Variants in CNOT9 observed in about 807,000 individuals in gnomAD.
CNOT9 encodes the protein RCD1 required for cell differentiation1 homolog.
CNOT9 carries 8 observed loss-of-function variants against 37.4 expected under a neutral mutation model. The observed-to-expected ratio is 0.21, with a 90% CI of 0.13 to 0.39. The LOEUF (loss-of-function observed/expected upper bound fraction) is 0.39. Among genes scored for constraint, CNOT9 ranks in the 10% least tolerant of loss-of-function variants. The pLI is 1.00. For synonymous variants in CNOT9, 120 were observed against 137.6 expected (o/e 0.87, Z 0.90); for missense variants, 154 against 365.3 (o/e 0.42, Z 4.71).
chr2:218,578,926 G>T (rs893108167), intron 1 of CNOT9, among the ~76,000 whole-genome samples: 5 of 152,174 alleles, frequency 3.3e-5, no homozygotes, highest in South Asian at 2.1e-4. Flanking sequence ...ATGAAAGCAT[G>T]CCCTATTAAG....
intron 4 of CNOT9, among the ~76,000 whole-genome samples, chr2:218,585,641 T>TA (rs1694564712): frequency 2.1e-4 from 8 of 37,686 alleles, no homozygotes; most frequent in Non-Finnish European, 1.2e-3. Flanking sequence ...TTATTTTATT[T>TA]TTTTTTTTTT....
At chr2:218,569,593 A>G (rs1190549317) in intron 1 of CNOT9, among the ~76,000 whole-genome samples, 1 of 151,758 alleles carries the variant, frequency 6.6e-6, no homozygotes, top group Non-Finnish European at 1.5e-5. Flanking sequence ...TAAAATCTAG[A>G]CTCCTTGCCA....
chr2:218,580,919 C>A, intron 2 of CNOT9, 179 bp downstream of exon 2: 2 of 689,958 alleles, frequency 2.9e-6, no homozygotes, highest in East Asian at 2.9e-5. Context: ...TGGATCCTTA[C>A]CCAAGAGATT....
At position 218,582,938 on chromosome 2, in the gene CNOT9, C is replaced by G. The variant is rs776543082; in HGVS notation, c.205-33C>G. On this transcript the variant is annotated intron_variant, in intron 2 of 7. Transcript: ENST00000273064. Reference sequence around the variant, plus strand: ...CATGGGAATTAATTTTTAGTTATTCCTTATTCATCTGATGCTGATTTCCAT... The same window carrying G: ...CATGGGAATTAATTTTTAGTTATTCGTTATTCATCTGATGCTGATTTCCAT... 2.5e-6 allele frequency: 3 copies of G among 1,202,578 alleles called. No individual in the cohort carries two copies. The East Asian group carries it at 7.1e-5, about 28-fold the overall frequency. 74.5% of individuals were successfully genotyped at this position (1,202,578 alleles called of 1,614,324 possible).
At position 218,592,287 on chromosome 2, in the gene CNOT9, A is replaced by G. The variant is rs748906465; in HGVS notation, c.541-17A>G. Reference sequence around the variant, plus strand: ...TCTGAGCAACTTTATAAACTCTTCGATTTTGTTTTGCTTCAGGTTGCCACA... The same window carrying G: ...TCTGAGCAACTTTATAAACTCTTCGGTTTTGTTTTGCTTCAGGTTGCCACA... On this transcript the variant is annotated splice_polypyrimidine_tract_variant and intron_variant, in intron 5 of 7. Coordinates refer to ENST00000273064, the MANE Select transcript of CNOT9 (RefSeq NM_005444.3). This position sits in a 1 kb window ranked among gnomAD's most constrained non-coding sequence, Gnocchi z 4.1. The G allele has an allele frequency of 5.7e-6, 9 of 1,589,922 alleles. No homozygotes were observed. The East Asian group carries it at 6.7e-5, about 12-fold the overall frequency.
At chr2:218,578,443 G>C (rs561188186) in intron 1 of CNOT9, among the ~76,000 whole-genome samples, 77 of 152,256 alleles carry the variant, frequency 5.1e-4, no homozygotes, top group African/African-American at 1.8e-3. Context: ...GCAGTTCTTT[G>C]TGTTCTTTGT....
intron 1 of CNOT9, among the ~76,000 whole-genome samples, chr2:218,572,235 C>G (rs913212039): frequency 2.6e-5 from 4 of 152,078 alleles, no homozygotes; most frequent in Non-Finnish European, 5.9e-5. Flanking sequence ...GCGGGAGAAT[C>G]ACTTGAACCC....
chr2:218,594,736 T>C lies in CNOT9; in HGVS notation c.*460T>C, dbSNP rs1392213379. On this transcript the variant is annotated 3_prime_UTR_variant, in exon 8 of 8. Transcript: ENST00000273064. ...GATATGTCTCTTCATTCTCTCTCAG[T>C]ATTTGTTTACTTTGGTTTTTTTGTT... The C allele has an allele frequency of 6.4e-6, 1 of 156,874 alleles. No individual in the cohort carries two copies. Among genetic ancestry groups the C allele is most frequent in the East Asian group, 1.9e-4 (1 of 5,344 alleles). 9.7% of individuals were successfully genotyped at this position (156,874 alleles called of 1,614,324 possible). A position where few individuals can be genotyped will look rare whatever the true frequency, so the allele number is the denominator to read the frequency against.
At chr2:218,591,306 A>G (rs956975254) in intron 5 of CNOT9, among the ~76,000 whole-genome samples, 1 of 152,216 alleles carries the variant, frequency 6.6e-6, no homozygotes, top group Non-Finnish European at 1.5e-5. Context: ...TATCTCTTTT[A>G]TGTAAGAGCT....
chr2:218,588,882 T>G (rs1264499757), intron 5 of CNOT9, among the ~76,000 whole-genome samples: 1 of 152,026 alleles, frequency 6.6e-6, no homozygotes. Context: ...GCCTCAATTT[T>G]TTTCTGAAAG....
At chr2:218,576,387 T>C (rs1052619145) in intron 1 of CNOT9, among the ~76,000 whole-genome samples, 1 of 152,212 alleles carries the variant, frequency 6.6e-6, no homozygotes, top group Non-Finnish European at 1.5e-5. Flanking sequence ...TATATGTCCA[T>C]GTGTGTGTTG....
chr2:218,587,798 A>T (rs1051731699), intron 5 of CNOT9, 103 bp downstream of exon 5: 1 of 502,520 alleles, frequency 2.0e-6, no homozygotes, highest in Non-Finnish European at 3.3e-6. Flanking sequence ...ATTTGTATGA[A>T]TATTTTCTGT....
chr2:218,574,101 C>G (rs936335864), intron 1 of CNOT9: 12 of 366,094 alleles, frequency 3.3e-5, no homozygotes, highest in Non-Finnish European at 6.1e-5. Flanking sequence ...TCTTGAGTAG[C>G]TGGGATTACA....
intron 5 of CNOT9, among the ~76,000 whole-genome samples, chr2:218,591,284 C>G (rs1352922379): frequency 6.6e-6 from 1 of 152,054 alleles, no homozygotes; most frequent in African/African-American, 2.4e-5. Context: ...TTAAATTAAA[C>G]TAATATTTTA....
In CNOT9 at chr2:218,593,775, T is replaced by A. The variant is rs142597353; in HGVS notation, c.732-333T>A. On this transcript the variant is annotated intron_variant, in intron 7 of 7. Coordinates refer to ENST00000273064, the MANE Select transcript of CNOT9 (RefSeq NM_005444.3). The stretch of plus-strand genomic sequence containing the variant: ...GTACTGATTTTTGAATTATTTTATT[T>A]GCCATAATCCATATATTTCTAACAT... 1.4e-3 allele frequency: 1,650 copies of A among 1,204,928 alleles called. 11 individuals carry two copies. In the African/African-American group the frequency reaches 0.022, roughly 16 times the overall value. 74.6% of individuals were successfully genotyped at this position (1,204,928 alleles called of 1,614,324 possible).
chr2:218,585,488 G>A (rs953054773), intron 4 of CNOT9, among the ~76,000 whole-genome samples: 4 of 151,046 alleles, frequency 2.6e-5, no homozygotes, highest in Admixed American at 1.3e-4. Context: ...CAGGAGAATC[G>A]CTTGAACCTG....
rs1258868053 is a variant in CNOT9 at position 218,595,849 on chromosome 2, G to C, written c.*1573G>C. ...GAGCCGGACTTGTTAGTTGGCTTCTGTCTCTTTAGAGCCAAGAAAATAGTA... is the reference window on the plus strand; with the variant it reads ...GAGCCGGACTTGTTAGTTGGCTTCTCTCTCTTTAGAGCCAAGAAAATAGTA... On this transcript the variant is annotated 3_prime_UTR_variant, in exon 8 of 8. Transcript: ENST00000273064. The C allele has an allele frequency of 1.3e-5, 2 of 151,984 alleles. No homozygotes were observed. Among genetic ancestry groups the C allele is most frequent in the African/African-American group, 4.8e-5 (2 of 41,372 alleles). 9.4% of individuals were successfully genotyped at this position (151,984 alleles called of 1,614,324 possible).
intron 4 of CNOT9, 48 bp downstream of exon 4, chr2:218,584,769 G>A (rs147546821): frequency 7.6e-7 from 1 of 1,309,284 alleles, no homozygotes; most frequent in Non-Finnish European, 1.1e-6. Context: ...CACAGTAGTA[G>A]TCTAAGTTGG....
In CNOT9 at chr2:218,576,119, CCTT is replaced by C. The variant is rs1448051871; in HGVS notation, c.25-4436_25-4434del. On this transcript the variant is annotated intron_variant, in intron 1 of 7. Transcript: ENST00000273064. ...TAACTCTTCCCTCACCTGCCGTACC[CCTT>C]CTTCTACTGCCCGCCTCCTTTTAAA... 6.6e-5 allele frequency among the ~76,000 whole-genome samples: 10 copies of C among 152,218 alleles called. No homozygotes were observed. In the East Asian group the frequency reaches 1.4e-3, roughly 21 times the overall value.
Sources: allele counts gnomAD v4.1 joint callset (sites outside exome capture counted in the v4.1 genomes callset), GRCh38; gene constraint gnomAD v4.1.1; non-coding constraint Gnocchi (gnomAD v3.1); transcripts MANE v1.5; gene names NCBI Gene and HGNC (gene_info 2026-07-23, HGNC 2026-07-21).